The following GAREM1 variants were observed in gnomAD, a reference collection of about 807,000 sequenced individuals.
The protein encoded by GAREM1 is GRB2-associated and regulator of MAPK protein 1.
In GAREM1, 26 loss-of-function variants were observed where a neutral mutation model predicts 71.3. The ratio of observed to expected loss-of-function variants is 0.36; its 90% CI spans 0.27 to 0.51. The LOEUF (loss-of-function observed/expected upper bound fraction) is 0.51. Among genes scored for constraint, GAREM1 ranks in the 20% least tolerant of loss-of-function variants. The pLI, the probability that GAREM1 is intolerant of heterozygous loss-of-function variation, is 0.95. For missense variants in GAREM1, 1,026 were observed against 1,103.1 expected (o/e 0.93, Z 0.99); for synonymous variants, 440 against 433.2 (o/e 1.02, Z -0.20).
intron 2 of GAREM1, among the ~76,000 whole-genome samples, chr18:32,360,208 G>GA (rs141075154): frequency 0.014 from 2,055 of 147,532 alleles, 55 homozygotes; most frequent in African/African-American, 0.046. Context: ...GCTTCTTAAA[G>GA]AAAAAAAAAA....
intron 2 of GAREM1, among the ~76,000 whole-genome samples, chr18:32,324,572 T>C (rs1008873307): frequency 1.3e-5 from 2 of 152,228 alleles, no homozygotes; most frequent in African/African-American, 2.4e-5. Context: ...AAGTGGAGTA[T>C]AGAGCACACA....
intron 4 of GAREM1, among the ~76,000 whole-genome samples, chr18:32,283,440 G>A (rs1365070911): frequency 3.9e-5 from 6 of 152,144 alleles, no homozygotes; most frequent in South Asian, 2.1e-4. Flanking sequence ...CCAGCTTCTC[G>A]GGAGACTGAG....
chr18:32,411,756 A>G (rs1422944076), intron 1 of GAREM1, among the ~76,000 whole-genome samples: 2 of 152,156 alleles, frequency 1.3e-5, no homozygotes, highest in East Asian at 3.8e-4. Context: ...TCTCCACCCA[A>G]GCAGGTTGTA....
At position 32,310,129 on chromosome 18, in the gene GAREM1, T is replaced by C. The variant is rs543392940; in HGVS notation, c.393+64A>G. 2.3e-4 allele frequency: 361 copies of C among 1,571,066 alleles called. 2 individuals carry two copies. In the African/African-American group the frequency reaches 4.2e-3, roughly 18 times the overall value. ...CACAGATGAACACTTACTGTGTACA[T>C]CCAGACTTGAAAGTTAAATTATCTT... On this transcript the variant is annotated intron_variant, in intron 3 of 5. Transcript: ENST00000269209.
intron 2 of GAREM1, among the ~76,000 whole-genome samples, chr18:32,339,357 A>G (rs540467385): frequency 6.6e-6 from 1 of 152,324 alleles, no homozygotes; most frequent in East Asian, 1.9e-4. Context: ...GACTATGTGA[A>G]AACACTGTCC....
chr18:32,452,855 T>TG (rs913883972), intron 1 of GAREM1, among the ~76,000 whole-genome samples: 1 of 109,506 alleles, frequency 9.1e-6, no homozygotes, highest in Non-Finnish European at 2.0e-5. Flanking sequence ...ACTTCTACGT[T>TG]TTTTTTTTTT....
intron 2 of GAREM1, among the ~76,000 whole-genome samples, chr18:32,341,905 G>A (rs568141621): frequency 2.0e-5 from 3 of 152,232 alleles, no homozygotes; most frequent in South Asian, 2.1e-4. Context: ...CCATACAACA[G>A]GAGGGAGAGG....
chr18:32,372,719 G>A (rs1460148328), intron 2 of GAREM1, among the ~76,000 whole-genome samples: 1 of 152,186 alleles, frequency 6.6e-6, no homozygotes, highest in Non-Finnish European at 1.5e-5. Flanking sequence ...GGGAATACTG[G>A]CTAAACTGGC....
At chr18:32,364,393 G>A (rs1020795835) in intron 2 of GAREM1, among the ~76,000 whole-genome samples, 2 of 151,816 alleles carry the variant, frequency 1.3e-5, no homozygotes, top group East Asian at 1.9e-4. Flanking sequence ...TCACCGCTCC[G>A]CCCCTACCCA....
At chr18:32,421,287 A>C in intron 1 of GAREM1, among the ~76,000 whole-genome samples, 1 of 152,168 alleles carries the variant, frequency 6.6e-6, no homozygotes, top group East Asian at 1.9e-4. Context: ...GTAAGCACTC[A>C]ACAAAGCTTG....
chr18:32,366,986 G>A (rs1288387585), intron 2 of GAREM1, among the ~76,000 whole-genome samples: 2 of 152,156 alleles, frequency 1.3e-5, no homozygotes, highest in Non-Finnish European at 2.9e-5. Context: ...TCTCTCCTAA[G>A]CTCTTTCCTA....
At chr18:32,459,780 C>G (rs1201394095) in intron 1 of GAREM1, among the ~76,000 whole-genome samples, 1 of 151,880 alleles carries the variant, frequency 6.6e-6, no homozygotes, top group African/African-American at 2.4e-5. Context: ...TCAAACCAAC[C>G]CTTACTTGCC....
chr18:32,427,435 G>C (rs1157161747), intron 1 of GAREM1, among the ~76,000 whole-genome samples: 1 of 152,174 alleles, frequency 6.6e-6, no homozygotes, highest in Non-Finnish European at 1.5e-5. Context: ...GAGAGAACCA[G>C]GAATGTCTGC....
intron 2 of GAREM1, among the ~76,000 whole-genome samples, chr18:32,330,343 T>G (rs1242132047): frequency 6.6e-6 from 1 of 152,106 alleles, no homozygotes; most frequent in Non-Finnish European, 1.5e-5. Context: ...CAATCGACAC[T>G]GGGGACTACT....
At chr18:32,436,365 TTG>T (rs57312602) in intron 1 of GAREM1, among the ~76,000 whole-genome samples, 2 of 151,934 alleles carry the variant, frequency 1.3e-5, no homozygotes, top group Non-Finnish European at 2.9e-5. Context: ...AGTTTACCAG[TTG>T]TGTGTGTGTG....
chr18:32,460,625 C>G (rs1473228339), intron 1 of GAREM1, among the ~76,000 whole-genome samples: 1 of 152,172 alleles, frequency 6.6e-6, no homozygotes, highest in Non-Finnish European at 1.5e-5. Context: ...TGGGGCTATT[C>G]TAGGAAGATG....
intron 2 of GAREM1, among the ~76,000 whole-genome samples, chr18:32,374,030 T>C (rs910461175): frequency 3.3e-5 from 5 of 152,202 alleles, no homozygotes; most frequent in Non-Finnish European, 7.3e-5. Context: ...GCAGCTTTCA[T>C]AAACTGAGAC....
At chr18:32,301,009 G>A (rs1167084177) in intron 3 of GAREM1, among the ~76,000 whole-genome samples, 1 of 151,496 alleles carries the variant, frequency 6.6e-6, no homozygotes. Context: ...CTTTTAAAAC[G>A]GCAACAAATA....
chr18:32,441,565 T>G (rs544172442), intron 1 of GAREM1, among the ~76,000 whole-genome samples: 2 of 152,234 alleles, frequency 1.3e-5, no homozygotes, highest in East Asian at 3.9e-4. Flanking sequence ...CAAGATCGTG[T>G]TCTCCATTTA....
Sources: allele counts gnomAD v4.1 joint callset (sites outside exome capture counted in the v4.1 genomes callset), GRCh38; gene constraint gnomAD v4.1.1; transcripts MANE v1.5; gene names NCBI Gene and HGNC (gene_info 2026-07-23, HGNC 2026-07-21).